IGF2BP2: variants seen among roughly 807,000 people sequenced by gnomAD.
IGF2BP2 encodes insulin like growth factor 2 mRNA binding protein 2.
Under a neutral mutation model 75.8 loss-of-function variants are expected in IGF2BP2, and 17 were observed. The ratio of observed to expected loss-of-function variants is 0.22; its 90% CI spans 0.15 to 0.34. The LOEUF is 0.34. Among genes scored for constraint, IGF2BP2 ranks in the 10% least tolerant of loss-of-function variants. The pLI is 1.00. For missense variants in IGF2BP2, 516 were observed against 772.4 expected (o/e 0.67, Z 3.93); for synonymous variants, 288 against 295.6 (o/e 0.97, Z 0.26).
At chr3:185,815,596 G>A (rs1388696328) in intron 2 of IGF2BP2, among the ~76,000 whole-genome samples, 1 of 152,140 alleles carries the variant, frequency 6.6e-6, no homozygotes, top group African/African-American at 2.4e-5. Context: ...GCACGTAGCA[G>A]CCACCCAGTA....
rs767940366 is a variant in IGF2BP2 at position 185,675,347 on chromosome 3, C to T, written c.1020G>A (p.Glu340=). ...AGGCCTCACGCAGCTTCTTCATAAT[C>T]TCTATCTCAGCACTGGCACAGGCCT... ...TVEACASAEI[E]IMKKLREAFE... is the part of the protein sequence containing the mutation. Residue 340 remains glutamate, a synonymous_variant, in exon 9 of 16, where the codon GAG becomes GAA. Coordinates refer to ENST00000382199, the MANE Select transcript of IGF2BP2 (RefSeq NM_006548.6). 6.8e-6 allele frequency: 11 copies of T among 1,612,330 alleles called. No homozygotes were observed. Among genetic ancestry groups the T allele is most frequent in the Admixed American group, 1.7e-5 (1 of 59,818 alleles).
chr3:185,675,247 ATTTT>A, intron 9 of IGF2BP2, 45 bp downstream of exon 9: 1 of 1,582,402 alleles, frequency 6.3e-7, no homozygotes. Flanking sequence ...AATGGCAAGT[ATTTT>A]TAGCCTAGTG....
chr3:185,692,914 T>A (rs1722141313), intron 4 of IGF2BP2, 152 bp from the exon 5 acceptor site: 1 of 644,122 alleles, frequency 1.6e-6, no homozygotes, highest in African/African-American at 1.8e-5. Flanking sequence ...TCATCTGAGT[T>A]CACAGTAATT....
Position 185,726,251 on chromosome 3 carries a change from C to T in IGF2BP2, c.240-27904G>A, listed in dbSNP as rs747439415. Among the ~76,000 whole-genome samples the T allele has an allele frequency of 1.7e-4, 26 of 152,202 alleles. 1 individual carries two copies. In the Middle Eastern group the frequency reaches 0.017, roughly 100 times the overall value. On this transcript the variant is annotated intron_variant, in intron 2 of 15. Coordinates refer to ENST00000382199, the MANE Select transcript of IGF2BP2 (RefSeq NM_006548.6). ...ACCCAACAGGTAATAAGGAATGGAC[C>T]CAGGGTCAGAGGAGGAATGGACCCA...
chr3:185,789,121 T>C (rs1240688272), intron 2 of IGF2BP2, among the ~76,000 whole-genome samples: 2 of 152,166 alleles, frequency 1.3e-5, no homozygotes. Context: ...GCCTCTTGAG[T>C]AGCCGGGATT....
chr3:185,803,615 C>T (rs1448181600), intron 2 of IGF2BP2, among the ~76,000 whole-genome samples: 1 of 151,996 alleles, frequency 6.6e-6, no homozygotes, highest in Non-Finnish European at 1.5e-5. Context: ...ATCCTAACTT[C>T]TTCTAGCATA....
chr3:185,770,089 C>T (rs1272144480), intron 2 of IGF2BP2, among the ~76,000 whole-genome samples: 1 of 152,188 alleles, frequency 6.6e-6, no homozygotes, highest in Non-Finnish European at 1.5e-5. Context: ...GAAACGAATC[C>T]TGAGCCTTCT....
At chr3:185,734,052 ACCCTTAACC>A (rs978791427) in intron 2 of IGF2BP2, among the ~76,000 whole-genome samples, 4 of 152,026 alleles carry the variant, frequency 2.6e-5, no homozygotes, top group African/African-American at 9.7e-5. Context: ...TTTCACAAGA[ACCCTTAACC>A]CCCTTACTTC....
At position 185,674,447 on chromosome 3, in the gene IGF2BP2, T is replaced by TTTTG. The variant is rs1190800530; in HGVS notation, c.1071+845_1071+848dup. Among the ~76,000 whole-genome samples, 4 of 152,304 alleles carry TTTTG rather than the reference T, an allele frequency of 2.6e-5. No homozygotes were observed. In the East Asian group the frequency reaches 5.8e-4, roughly 22 times the overall value. The stretch of plus-strand genomic sequence containing the variant: ...GCTGATGGCCAATTATTTTAAAGGT[T>TTTTG]TTTGTTTGTTTGTTTGTTTTTTGAA... On this transcript the variant is annotated intron_variant, in intron 9 of 15. Coordinates refer to ENST00000382199, the MANE Select transcript of IGF2BP2 (RefSeq NM_006548.6).
At chr3:185,748,664 G>A (rs935863224) in intron 2 of IGF2BP2, among the ~76,000 whole-genome samples, 1 of 152,100 alleles carries the variant, frequency 6.6e-6, no homozygotes, top group Non-Finnish European at 1.5e-5. Flanking sequence ...CAGCCTGCAC[G>A]GTGGCAACCC....
chr3:185,678,340 T>C (rs963818100), intron 7 of IGF2BP2, among the ~76,000 whole-genome samples: 2 of 152,330 alleles, frequency 1.3e-5, no homozygotes, highest in East Asian at 3.9e-4. Flanking sequence ...AAGGACACCA[T>C]GTGTGGTAAA....
At chr3:185,677,122 G>C (rs1443315015) in intron 7 of IGF2BP2, among the ~76,000 whole-genome samples, 4 of 132,864 alleles carry the variant, frequency 3.0e-5, no homozygotes, top group African/African-American at 1.2e-4. Context: ...TATATATCCA[G>C]TAAAAAAGGT....
intron 2 of IGF2BP2, among the ~76,000 whole-genome samples, chr3:185,707,719 C>A (rs1364639533): frequency 6.6e-6 from 1 of 151,962 alleles, no homozygotes; most frequent in Admixed American, 6.6e-5. Context: ...GGGTCAAGGA[C>A]CTCTTTCGGA....
intron 2 of IGF2BP2, among the ~76,000 whole-genome samples, chr3:185,818,073 G>A (rs1282791144): frequency 6.6e-6 from 1 of 152,088 alleles, no homozygotes; most frequent in African/African-American, 2.4e-5. Flanking sequence ...ACATTTTTAA[G>A]TCTCCAAAGA....
chr3:185,761,169 T>G (rs6799330), intron 2 of IGF2BP2, among the ~76,000 whole-genome samples: 40,652 of 151,876 alleles, frequency 0.27, 6,082 homozygotes, highest in African/African-American at 0.41. Context: ...GGTGTTAGGC[T>G]CCAACGAAAG....
chr3:185,713,353 T>C lies in IGF2BP2; in HGVS notation c.240-15006A>G, dbSNP rs1725098679. The C allele has an allele frequency of 9.7e-6, 5 of 512,854 alleles. No individual in the cohort carries two copies. The East Asian group carries it at 2.7e-4, about 28-fold the overall frequency. The allele number at this position is 512,854 out of a possible 1,614,324, so 31.8% of individuals were successfully genotyped here. On this transcript the variant is annotated intron_variant, in intron 2 of 15. Transcript: ENST00000382199. Reference sequence around the variant, plus strand: ...CCATTTTCACATTTTTAAAATAATATGCTTTAGCAGCAGGTGAGGAAAACT... The same window carrying C: ...CCATTTTCACATTTTTAAAATAATACGCTTTAGCAGCAGGTGAGGAAAACT...
At chr3:185,773,944 A>C (rs140179007) in intron 2 of IGF2BP2, among the ~76,000 whole-genome samples, 231 of 152,222 alleles carry the variant, frequency 1.5e-3, no homozygotes, top group African/African-American at 5.4e-3. Flanking sequence ...CTTCGCGGAG[A>C]TCTTCTCACT....
At chr3:185,656,199 C>T (rs953352436) in intron 12 of IGF2BP2, among the ~76,000 whole-genome samples, 2 of 152,378 alleles carry the variant, frequency 1.3e-5, no homozygotes, top group South Asian at 2.1e-4. Flanking sequence ...AGCCCACCCT[C>T]AGGGGTCAGG....
At chr3:185,665,410 A>AAGGAGGAGAAGGAGAAGGAGG (rs1717284586) in intron 10 of IGF2BP2, among the ~76,000 whole-genome samples, 2 of 26,596 alleles carry the variant, frequency 7.5e-5, no homozygotes, top group African/African-American at 1.4e-4. Flanking sequence ...GGAGAAGGAA[A>AAGGAGGAGAAGGAGAAGGAGG]AGGAGGAGAA....
Sources: allele counts gnomAD v4.1 joint callset (sites outside exome capture counted in the v4.1 genomes callset), GRCh38; gene constraint gnomAD v4.1.1; transcripts MANE v1.5; gene names NCBI Gene and HGNC (gene_info 2026-07-23, HGNC 2026-07-21).